CYP4F22: variants seen among roughly 807,000 people sequenced by gnomAD.
CYP4F22 encodes the protein cytochrome P450 family 4 subfamily F member 22, also known as ultra-long-chain fatty acid omega-hydroxylase.
Under a neutral mutation model 60.4 loss-of-function variants are expected in CYP4F22, and 37 were observed. The observed-to-expected ratio is 0.61, with a 90% CI of 0.47 to 0.81. The LOEUF (loss-of-function observed/expected upper bound fraction) is 0.81, where lower values mean the gene tolerates loss of function less well. CYP4F22 is among the 30% of genes least tolerant of loss of function. CYP4F22 has a pLI of 0.00. For synonymous variants in CYP4F22, 258 were observed against 280.5 expected (o/e 0.92, Z 0.80); for missense variants, 655 against 715.0 (o/e 0.92, Z 0.96).
In CYP4F22 at chr19:15,549,208, T is replaced by C; in HGVS notation, c.1335+6T>C. 6.2e-7 allele frequency: 1 copy of C among 1,613,846 alleles called. No homozygotes were observed. The highest frequency in any genetic ancestry group is 1.1e-5 in the South Asian group (1 of 91,068). On this transcript the variant is annotated splice_donor_region_variant and intron_variant, in intron 12 of 13. Coordinates refer to ENST00000269703, the MANE Select transcript of CYP4F22 (RefSeq NM_173483.4). ...CAGTGTGGCCTGACTCCAAGGTGAG[T>C]GCCTGCCCCACTCCTCCCTGCCCTC...
At chr19:15,519,238 G>A (rs981320202) in intron 1 of CYP4F22, among the ~76,000 whole-genome samples, 8 of 151,954 alleles carry the variant, frequency 5.3e-5, no homozygotes, top group African/African-American at 1.4e-4. Flanking sequence ...GAAGAAAGAC[G>A]GGCTCAAAGC....
At position 15,509,856 on chromosome 19, in the gene CYP4F22, CCTT is replaced by C. The variant is rs1305565869; in HGVS notation, c.-109+1275_-109+1277del. ...CATTCAGGGAATGGGACCCATCTCT[CCTT>C]CCTTCCTTCCTTCCTTCCTTCCTTC... On this transcript the variant is annotated intron_variant, in intron 1 of 13. Transcript: ENST00000269703. 3.4e-4 allele frequency among the ~76,000 whole-genome samples: 20 copies of C among 58,942 alleles called. No individual in the cohort carries two copies. The South Asian group carries it at 0.013, about 38-fold the overall frequency. The allele number at this position is 58,942 out of a possible 152,430, so 38.7% of individuals were successfully genotyped here.
At chr19:15,518,846 A>T (rs1289838949) in intron 1 of CYP4F22, among the ~76,000 whole-genome samples, 1 of 152,024 alleles carries the variant, frequency 6.6e-6, no homozygotes, top group Non-Finnish European at 1.5e-5. Context: ...GACTTCTTGC[A>T]GGGAGAAAGG....
intron 8 of CYP4F22, among the ~76,000 whole-genome samples, chr19:15,541,877 A>G (rs1971467047): frequency 6.7e-6 from 1 of 148,284 alleles, no homozygotes; most frequent in Non-Finnish European, 1.5e-5. Flanking sequence ...AAAAAAAAAA[A>G]AAAAAAGAAA....
chr19:15,530,338 T>C (rs779940179), intron 4 of CYP4F22, among the ~76,000 whole-genome samples: 5 of 152,190 alleles, frequency 3.3e-5, no homozygotes, highest in Non-Finnish European at 5.9e-5. Context: ...CTTCCAAGTC[T>C]GCTTGGCAAG....
intron 1 of CYP4F22, among the ~76,000 whole-genome samples, chr19:15,509,360 T>C (rs1971056482): frequency 6.6e-6 from 1 of 152,134 alleles, no homozygotes. Context: ...CGCTCACAGC[T>C]CATTCATGCA....
At chr19:15,509,904 C>CCTTCCTTCCTTCCTTTCCTTCCTT (rs1323141197) in intron 1 of CYP4F22, among the ~76,000 whole-genome samples, 2 of 86,696 alleles carry the variant, frequency 2.3e-5, no homozygotes, top group Non-Finnish European at 2.5e-5. Flanking sequence ...TTCCTTCCTT[C>CCTTCCTTCCTTCCTTTCCTTCCTT]CTTTCTTTCT....
chr19:15,549,808 A>AT (rs1212401362), intron 12 of CYP4F22, among the ~76,000 whole-genome samples: 1 of 151,306 alleles, frequency 6.6e-6, no homozygotes, highest in Non-Finnish European at 1.5e-5. Context: ...CATTTCTAAA[A>AT]AAAAAAAAAG....
At position 15,537,561 on chromosome 19, in the gene CYP4F22, G is replaced by A. The variant is rs750472966; in HGVS notation, c.448G>A (p.Asp150Asn). ...GGATGGGCTGCTGCTCAGCAAAGGT[G>A]ACAAGTGGAGCCGGCACCGTCGCCT... ...LGDGLLLSKG[D>N]KWSRHRRLLT... Residue 150 changes from aspartate (D) to asparagine (N), a missense_variant, in exon 6 of 14, where the codon GAC becomes AAC. Transcript: ENST00000269703. 4.3e-6 allele frequency: 7 copies of A among 1,614,056 alleles called. No individual in the cohort carries two copies. Among genetic ancestry groups the A allele is most frequent in the Non-Finnish European group, 5.1e-6 (6 of 1,180,042 alleles).
At chr19:15,518,023 T>A (rs1406734203) in intron 1 of CYP4F22, among the ~76,000 whole-genome samples, 1 of 151,830 alleles carries the variant, frequency 6.6e-6, no homozygotes, top group Non-Finnish European at 1.5e-5. Context: ...GCCATGTAGG[T>A]TGTTGTGGTC....
chr19:15,531,414 G>T (rs1029600568), intron 4 of CYP4F22, among the ~76,000 whole-genome samples: 3 of 149,572 alleles, frequency 2.0e-5, no homozygotes, highest in African/African-American at 4.9e-5. Flanking sequence ...GAGATTCCAG[G>T]AATTTTAGGA....
Position 15,544,280 on chromosome 19 carries a change from G to A in CYP4F22, c.1136+1G>A, listed in dbSNP as rs1460276594. 6.2e-7 allele frequency: 1 copy of A among 1,613,544 alleles called. No individual in the cohort carries two copies. The highest frequency in any genetic ancestry group is 8.5e-7 in the Non-Finnish European group (1 of 1,179,938). On this transcript the variant is annotated splice_donor_variant, in intron 10 of 13. Transcript: ENST00000269703. LOFTEE classifies it high-confidence loss of function. ...GCCGGGAGCTGGAGGAGCTGGAGTG[G>A]TGAGTGTGGGGTCAGGGGAATGGAG...
intron 8 of CYP4F22, among the ~76,000 whole-genome samples, chr19:15,541,536 AG>A (rs34666173): frequency 7.9e-6 from 1 of 127,054 alleles, no homozygotes; most frequent in African/African-American, 2.9e-5. Context: ...ATTCTAGCGG[AG>A]GGGGGGTGGG....
In CYP4F22 at chr19:15,544,499, A is replaced by G. The variant is rs12979508; in HGVS notation, c.1136+220A>G. ...GTCCTAGTCAGCAATTATTGCAATG[A>G]TGCTGCATAATGAACAGCTCCCAAA... On this transcript the variant is annotated intron_variant, in intron 10 of 13. Transcript: ENST00000269703. Among the ~76,000 whole-genome samples the G allele has an allele frequency of 0.39, 59,033 of 152,114 alleles. 12,621 individuals are homozygous for G. Among genetic ancestry groups the G allele is most frequent in the East Asian group, 0.59 (3,055 of 5,158 alleles).
chr19:15,509,854 CTCCTTCCTTCCTTCCT>C (rs201064190), intron 1 of CYP4F22, among the ~76,000 whole-genome samples: 39 of 110,070 alleles, frequency 3.5e-4, no homozygotes, highest in Admixed American at 1.1e-3. Context: ...GGACCCATCT[CTCCTTCCTTCCTTCCT>C]TCCTTCCTTC....
At chr19:15,543,416 G>A (rs938342292) in intron 8 of CYP4F22, among the ~76,000 whole-genome samples, 8 of 151,890 alleles carry the variant, frequency 5.3e-5, no homozygotes, top group South Asian at 2.1e-4. Flanking sequence ...GGTCTTGAAC[G>A]CCTAGGCTCA....
At chr19:15,546,166 G>A (rs1971524033) in intron 10 of CYP4F22, among the ~76,000 whole-genome samples, 2 of 152,116 alleles carry the variant, frequency 1.3e-5, no homozygotes, top group Admixed American at 1.3e-4. Context: ...TTAAGAGATG[G>A]GGACTTGCTG....
At chr19:15,535,134 T>A (rs968482791) in intron 4 of CYP4F22, among the ~76,000 whole-genome samples, 9 of 152,328 alleles carry the variant, frequency 5.9e-5, no homozygotes, top group Admixed American at 5.9e-4. Context: ...CCTGCTTTCC[T>A]CTTCAATGCT....
intron 1 of CYP4F22, among the ~76,000 whole-genome samples, chr19:15,513,525 C>T (rs1010391910): frequency 6.6e-5 from 10 of 151,940 alleles, no homozygotes; most frequent in Admixed American, 3.3e-4. Context: ...CCACCTCGCC[C>T]GGCTAATTTT....
Sources: allele counts gnomAD v4.1 joint callset (sites outside exome capture counted in the v4.1 genomes callset), GRCh38; gene constraint gnomAD v4.1.1; transcripts MANE v1.5; gene names NCBI Gene and HGNC (gene_info 2026-07-23, HGNC 2026-07-21).